SLC5A10: variants seen among roughly 807,000 people sequenced by gnomAD.
SLC5A10 encodes solute carrier family 5 member 10.
A neutral mutation model predicts 68.9 loss-of-function variants in SLC5A10; 55 were observed. The ratio of observed to expected loss-of-function variants is 0.80; its 90% confidence interval spans 0.64 to 1.00. The LOEUF is 1.00. SLC5A10 is among the 50% of genes least tolerant of loss of function. The probability of loss-of-function intolerance (pLI) is 0.00; values close to 1 mark genes in which losing one functional copy is unlikely to be tolerated. For missense variants in SLC5A10, 732 were observed against 819.3 expected (o/e 0.89, Z 1.30); for synonymous variants, 344 against 344.8 (o/e 1.00, Z 0.02).
chr17:18,979,004 T>C lies in SLC5A10; in HGVS notation c.982+2015T>C, dbSNP rs1210590640. The C allele has an allele frequency of 6.2e-6, 5 of 811,622 alleles. No individual in the cohort carries two copies. The African/African-American group carries it at 6.9e-5, about 11-fold the overall frequency. 50.3% of individuals were successfully genotyped at this position (811,622 alleles called of 1,614,324 possible). On this transcript the variant is annotated intron_variant, in intron 9 of 14. Transcript: ENST00000395645. ...CAGAGAGCAGGTGCATACTGTGGGG[T>C]CAGACTGAGTCGGATGTCAAGCAAG...
intron 9 of SLC5A10, among the ~76,000 whole-genome samples, chr17:18,989,661 C>T (rs545804787): frequency 1.7e-4 from 26 of 152,328 alleles, no homozygotes; most frequent in African/African-American, 5.8e-4. Flanking sequence ...GGGGCTGGGG[C>T]GGGGGCTCGG....
intron 8 of SLC5A10, among the ~76,000 whole-genome samples, chr17:18,975,271 G>T (rs577712240): frequency 1.1e-4 from 16 of 152,324 alleles, no homozygotes; most frequent in South Asian, 6.2e-4. Context: ...AGCTTGCCCT[G>T]CGTTCGGAGG....
At chr17:19,009,327 G>C (rs914151817) in intron 9 of SLC5A10, among the ~76,000 whole-genome samples, 5 of 152,108 alleles carry the variant, frequency 3.3e-5, no homozygotes, top group African/African-American at 4.8e-5. Context: ...GAATAGCTGA[G>C]ACTACAGGCA....
intron 9 of SLC5A10, among the ~76,000 whole-genome samples, chr17:18,993,846 C>T (rs997534323): frequency 1.3e-5 from 2 of 152,212 alleles, no homozygotes; most frequent in African/African-American, 2.4e-5. Context: ...ACCTTCATTT[C>T]CTCATGGGGA....
chr17:18,953,643 T>C (rs1378484492), intron 1 of SLC5A10: 1 of 152,504 alleles, frequency 6.6e-6, no homozygotes, highest in Non-Finnish European at 1.5e-5. Flanking sequence ...GCAGTGGTGG[T>C]GGTGGTGGCA....
Position 18,952,187 on chromosome 17 carries a change from T to C in SLC5A10, c.-19T>C, listed in dbSNP as rs2042379076. On this transcript the variant is annotated 5_prime_UTR_variant, in exon 1 of 15. Coordinates refer to ENST00000395645, the MANE Select transcript of SLC5A10 (RefSeq NM_001042450.4). ...CTCAGTCCCTCGGGCTCATACCTAG[T>C]GCCTGCGGCAGGACAGCCATGGCCG... 2 of 1,609,172 alleles carry C rather than the reference T, an allele frequency of 1.2e-6. No individual in the cohort carries two copies. Among genetic ancestry groups the C allele is most frequent in the Non-Finnish European group, 1.7e-6 (2 of 1,177,824 alleles).
intron 9 of SLC5A10, among the ~76,000 whole-genome samples, chr17:18,990,230 GA>G (rs1449985973): frequency 3.3e-5 from 5 of 152,154 alleles, no homozygotes; most frequent in African/African-American, 1.2e-4. Context: ...GATGTTCAAG[GA>G]AGGCCAGAGA....
chr17:18,997,346 G>A (rs530058869), intron 9 of SLC5A10, among the ~76,000 whole-genome samples: 30 of 152,242 alleles, frequency 2.0e-4, no homozygotes, highest in Non-Finnish European at 4.3e-4. Flanking sequence ...GACCAAGGCT[G>A]TTCCCTGTGG....
chr17:18,987,509 T>C (rs982734902), intron 9 of SLC5A10, among the ~76,000 whole-genome samples: 1 of 152,172 alleles, frequency 6.6e-6, no homozygotes, highest in East Asian at 1.9e-4. Context: ...AGACACCAAA[T>C]GCCAGGGTGT....
intron 10 of SLC5A10, among the ~76,000 whole-genome samples, chr17:19,014,690 T>C (rs1282490652): frequency 6.6e-6 from 1 of 152,234 alleles, no homozygotes; most frequent in African/African-American, 2.4e-5. Flanking sequence ...TTAATCATGC[T>C]TTCCTCGGAC....
chr17:18,979,231 G>T lies in SLC5A10; in HGVS notation c.982+2242G>T. ...GCAGCGCCCACCCCATGCCCCATGT[G>T]GTGGTGCCCACAGAGCTGGCCCCAT... On this transcript the variant is annotated intron_variant, in intron 9 of 14. Coordinates refer to ENST00000395645, the MANE Select transcript of SLC5A10 (RefSeq NM_001042450.4). The T allele has an allele frequency of 8.5e-6, 4 of 471,900 alleles. No homozygotes were observed. In the South Asian group the frequency reaches 1.0e-4, roughly 12 times the overall value. 29.2% of individuals were successfully genotyped at this position (471,900 alleles called of 1,614,324 possible). A position where few individuals can be genotyped will look rare whatever the true frequency, so the allele number is the denominator to read the frequency against.
intron 8 of SLC5A10, among the ~76,000 whole-genome samples, chr17:18,973,399 G>C (rs1442859939): frequency 6.6e-6 from 1 of 152,238 alleles, no homozygotes; most frequent in African/African-American, 2.4e-5. Context: ...GAACACTGCT[G>C]ACCCCAGGTG....
At position 19,015,190 on chromosome 17, in the gene SLC5A10, T is replaced by C. The variant is rs1345066540; in HGVS notation, c.1232T>C (p.Leu411Pro). The C allele has an allele frequency of 1.2e-5, 5 of 431,182 alleles. No homozygotes were observed. Among genetic ancestry groups the C allele is most frequent in the Non-Finnish European group, 1.9e-5 (5 of 261,310 alleles). The allele number at this position is 431,182 out of a possible 1,614,324, so 26.7% of individuals were successfully genotyped here. ...RPRSGERELL[L>P]VGRLVIVALI... The stretch of plus-strand genomic sequence containing the variant: ...CGCTCCGGCGAGCGGGAGCTCCTGC[T>C]GGTGGGACGGTACGGGGGTGGGGGC... The change falls in exon 11 of 15, where the codon CTG becomes CCG. Residue 411 changes from leucine to proline, a missense_variant. Leu to Pro is a moderately conservative substitution (Grantham distance 98). Coordinates refer to ENST00000395645, the MANE Select transcript of SLC5A10 (RefSeq NM_001042450.4).
intron 9 of SLC5A10, among the ~76,000 whole-genome samples, chr17:19,012,327 C>A (rs1401099800): frequency 6.6e-6 from 1 of 152,184 alleles, no homozygotes; most frequent in African/African-American, 2.4e-5. Flanking sequence ...GGCAGGAGGC[C>A]GAGGGATGCC....
At chr17:18,963,942 C>G (rs1256732438) in intron 5 of SLC5A10, among the ~76,000 whole-genome samples, 1 of 152,244 alleles carries the variant, frequency 6.6e-6, no homozygotes, top group Non-Finnish European at 1.5e-5. Flanking sequence ...GCCCTGTTGC[C>G]CCCACCCGCT....
intron 9 of SLC5A10, among the ~76,000 whole-genome samples, chr17:18,980,800 C>T (rs575830500): frequency 2.6e-4 from 39 of 152,270 alleles, no homozygotes; most frequent in African/African-American, 8.9e-4. Flanking sequence ...GTAAGAAATG[C>T]TCCTGGGTGC....
intron 9 of SLC5A10, among the ~76,000 whole-genome samples, chr17:19,010,722 C>T (rs1487219952): frequency 6.6e-6 from 1 of 152,222 alleles, no homozygotes; most frequent in Non-Finnish European, 1.5e-5. Flanking sequence ...TGCCAGTCAG[C>T]CTGCCTAGGT....
At position 18,968,910 on chromosome 17, in the gene SLC5A10, A is replaced by C. The variant is rs79373304; in HGVS notation, c.454-142A>C. The C allele has an allele frequency of 0.014, 9,719 of 681,782 alleles. 710 individuals carry two copies. The African/African-American group carries it at 0.15, about 11-fold the overall frequency. 42.2% of individuals were successfully genotyped at this position (681,782 alleles called of 1,614,324 possible). ...CAACCTCACAATGGCCCCGTGATGC[A>C]GGCAGGCAGGCGAGTGGGGGTCTCC... On this transcript the variant is annotated intron_variant, in intron 5 of 14. Transcript: ENST00000395645. The surrounding 1 kb of genome is among the most constrained non-coding windows in gnomAD (Gnocchi z 4.1).
At chr17:18,978,619 G>T in intron 9 of SLC5A10, 2 of 1,613,148 alleles carry the variant, frequency 1.2e-6, no homozygotes, top group Admixed American at 1.7e-5. Context: ...TGACAAGTGC[G>T]TACTTGGGGT....
Sources: gnomAD v4.1 joint callset for allele counts (sites outside exome capture counted in the v4.1 genomes callset) on GRCh38, gnomAD v4.1.1 for gene constraint, Gnocchi (gnomAD v3.1) non-coding constraint, MANE v1.5 for transcripts, NCBI Gene and HGNC (gene_info 2026-07-23, HGNC 2026-07-21) for gene names.